The following EFNA2 variants were observed in gnomAD, a reference collection of about 807,000 sequenced individuals.
EFNA2 encodes ephrin A2.
In EFNA2, 18 loss-of-function variants were observed where a neutral mutation model predicts 19.7. The ratio of observed to expected loss-of-function variants is 0.91; its 90% CI spans 0.63 to 1.35. The LOEUF (loss-of-function observed/expected upper bound fraction) is 1.35. EFNA2 is among the 40% of genes most tolerant of loss of function. EFNA2 has a pLI of 0.00. For synonymous variants in EFNA2, 187 were observed against 137.8 expected, an observed-to-expected ratio of 1.36 and a Z score of -2.50; for missense variants, 303 against 296.0, an observed-to-expected ratio of 1.02 and a Z score of -0.17.
Position 1,286,595 on chromosome 19 carries a change from C to A in EFNA2, c.140+287C>A, listed in dbSNP as rs555848277. On this transcript the variant is annotated intron_variant, in intron 1 of 3. Coordinates refer to ENST00000215368, the MANE Select transcript of EFNA2 (RefSeq NM_001405.4). This position sits in a 1 kb window ranked among gnomAD's most constrained non-coding sequence, Gnocchi z 5.6. ...CCGACGTCTCCTGGAGTTTGGGGAACCCCTCTGGTACCCTCCGATGCCGGG... is the reference window on the plus strand; with the variant it reads ...CCGACGTCTCCTGGAGTTTGGGGAAACCCTCTGGTACCCTCCGATGCCGGG... 1.3e-5 allele frequency among the ~76,000 whole-genome samples: 2 copies of A among 152,274 alleles called. No homozygotes were observed. Among genetic ancestry groups the A allele is most frequent in the African/African-American group, 4.8e-5 (2 of 41,582 alleles).
upstream of EFNA2, among the ~76,000 whole-genome samples, chr19:1,284,862 A>G (rs2081456083): frequency 1.3e-5 from 2 of 152,264 alleles, no homozygotes; most frequent in African/African-American, 4.8e-5. This position sits in a 1 kb window ranked among gnomAD's most constrained non-coding sequence, Gnocchi z 5.3. Context: ...CGATCTGGGC[A>G]TCGCCAGCAA....
In EFNA2 at chr19:1,297,536, G is replaced by A. The variant is rs1282568547; in HGVS notation, c.455-1015G>A. Among the ~76,000 whole-genome samples, 2 of 152,102 alleles carry A rather than the reference G, an allele frequency of 1.3e-5. No homozygotes were observed. Among genetic ancestry groups the A allele is most frequent in the Non-Finnish European group, 2.9e-5 (2 of 68,004 alleles). ...GCAGAGGTGGTGGCCATGAGAGCCA[G>A]GCCATCAGGGGCCCAGGGCCCGGCA... On this transcript the variant is annotated intron_variant, in intron 2 of 3. Transcript: ENST00000215368. The surrounding 1 kb of genome is among the most constrained non-coding windows in gnomAD (Gnocchi z 5.0).
chr19:1,293,749 C>A (rs973984469), intron 1 of EFNA2, among the ~76,000 whole-genome samples: 8 of 152,240 alleles, frequency 5.3e-5, no homozygotes, highest in African/African-American at 1.9e-4. Context: ...GGTGACTTCA[C>A]CGCCTCCGCC....
chr19:1,299,778 G>A (rs765625086), intron 3 of EFNA2, 46 bp from the exon 4 acceptor site: 1 of 1,558,208 alleles, frequency 6.4e-7, no homozygotes, highest in Non-Finnish European at 8.6e-7. Flanking sequence ...GGGGAGCCCA[G>A]TGGGGTTCGG....
In EFNA2 at chr19:1,286,853, G is replaced by A. The variant is rs558039558; in HGVS notation, c.140+545G>A. Among the ~76,000 whole-genome samples the A allele has an allele frequency of 2.0e-5, 3 of 152,358 alleles. No individual in the cohort carries two copies. The highest frequency in any genetic ancestry group is 1.9e-4 in the East Asian group (1 of 5,188). The stretch of plus-strand genomic sequence containing the variant: ...CCCAGCATCTGCTTCACTCCAGGGG[G>A]CCAAGGGCCCAGCTTTGAAAGGAGA... On this transcript the variant is annotated intron_variant, in intron 1 of 3. Transcript: ENST00000215368. The surrounding 1 kb of genome is among the most constrained non-coding windows in gnomAD (Gnocchi z 5.6).
At chr19:1,291,198 C>G (rs910872201) in intron 1 of EFNA2, among the ~76,000 whole-genome samples, 4 of 152,182 alleles carry the variant, frequency 2.6e-5, no homozygotes, top group African/African-American at 9.6e-5. Context: ...CACTCTGTAC[C>G]AGGGCCACCC....
Position 1,287,967 on chromosome 19 carries a change from G to A in EFNA2, c.140+1659G>A, listed in dbSNP as rs1280976775. ...GGGCTGCGGGCCGGACCCCCGGCCAGGGGAAGGAAGTGGCCTCCCCAGTGC... is the reference window on the plus strand; with the variant it reads ...GGGCTGCGGGCCGGACCCCCGGCCAAGGGAAGGAAGTGGCCTCCCCAGTGC... On this transcript the variant is annotated intron_variant, in intron 1 of 3. Transcript: ENST00000215368. This position sits in a 1 kb window ranked among gnomAD's most constrained non-coding sequence, Gnocchi z 6.2. Among the ~76,000 whole-genome samples the A allele has an allele frequency of 6.6e-6, 1 of 152,264 alleles. No homozygotes were observed. The highest frequency in any genetic ancestry group is 2.4e-5 in the African/African-American group (1 of 41,480).
At chr19:1,291,184 G>A (rs537564651) in intron 1 of EFNA2, among the ~76,000 whole-genome samples, 1 of 152,320 alleles carries the variant, frequency 6.6e-6, no homozygotes, top group East Asian at 1.9e-4. Flanking sequence ...GCCGACGGCA[G>A]CTGCACTCTG....
chr19:1,300,146 C>A lies in EFNA2; in HGVS notation c.*201C>A. 2 of 587,924 alleles carry A rather than the reference C, an allele frequency of 3.4e-6. No individual in the cohort carries two copies. Among genetic ancestry groups the A allele is most frequent in the Non-Finnish European group, 5.1e-6 (2 of 392,344 alleles). 36.4% of individuals were successfully genotyped at this position (587,924 alleles called of 1,614,324 possible). A position where few individuals can be genotyped will look rare whatever the true frequency, so the allele number is the denominator to read the frequency against. Reference sequence around the variant, plus strand: ...CTCAGGGAGGGGAAACGGCCGAGAGCCCCCCCCCGGAGGCCCGAGGGGCCG... The same window carrying A: ...CTCAGGGAGGGGAAACGGCCGAGAGACCCCCCCCGGAGGCCCGAGGGGCCG... On this transcript the variant is annotated 3_prime_UTR_variant, in exon 4 of 4. Coordinates refer to ENST00000215368, the MANE Select transcript of EFNA2 (RefSeq NM_001405.4).
Position 1,301,396 on chromosome 19 carries a change from G to A in EFNA2, c.*1451G>A, listed in dbSNP as rs1476510789. 6.6e-6 allele frequency among the ~76,000 whole-genome samples: 1 copy of A among 151,726 alleles called. No homozygotes were observed. Among genetic ancestry groups the A allele is most frequent in the East Asian group, 1.9e-4 (1 of 5,174 alleles). Reference sequence around the variant, plus strand: ...CCCGTCACAATCAACTTTGGATTCTGTATTTTTTTATAATAAAATGAGCAT... The same window carrying A: ...CCCGTCACAATCAACTTTGGATTCTATATTTTTTTATAATAAAATGAGCAT... On this transcript the variant is annotated 3_prime_UTR_variant, in exon 4 of 4. Transcript: ENST00000215368.
rs758914167 is a variant in EFNA2 at position 1,297,996 on chromosome 19, C to T, written c.455-555C>T. On this transcript the variant is annotated intron_variant, in intron 2 of 3. Coordinates refer to ENST00000215368, the MANE Select transcript of EFNA2 (RefSeq NM_001405.4). The surrounding 1 kb of genome is among the most constrained non-coding windows in gnomAD (Gnocchi z 5.0). ...CTGAGGCAGGAGAATTGCTTGAACC[C>T]GGGAGGCTGAGATTGCAGTGAGCCG... 3.5e-5 allele frequency among the ~76,000 whole-genome samples: 5 copies of T among 144,788 alleles called. No individual in the cohort carries two copies. The South Asian group carries it at 6.5e-4, about 19-fold the overall frequency. The allele number at this position is 144,788 out of a possible 152,430, so 95.0% of individuals were successfully genotyped here.
rs1345232763 is a variant in EFNA2 at position 1,300,091 on chromosome 19, A to T, written c.*146A>T. On this transcript the variant is annotated 3_prime_UTR_variant, in exon 4 of 4. Coordinates refer to ENST00000215368, the MANE Select transcript of EFNA2 (RefSeq NM_001405.4). ...TCGCCTGGTGCCGCCCCCGCCGGGC[A>T]GGGGCCATCCACCCGCCCCAGGACC... 8.4e-7 allele frequency: 1 copy of T among 1,194,244 alleles called. No homozygotes were observed. The highest frequency in any genetic ancestry group is 1.6e-5 in the African/African-American group (1 of 62,992). The allele number at this position is 1,194,244 out of a possible 1,614,324, so 74.0% of individuals were successfully genotyped here.
chr19:1,286,635 C>T lies in EFNA2; in HGVS notation c.140+327C>T, dbSNP rs1338111100. Among the ~76,000 whole-genome samples the T allele has an allele frequency of 6.6e-6, 1 of 152,180 alleles. No homozygotes were observed. Among genetic ancestry groups the T allele is most frequent in the Admixed American group, 6.5e-5 (1 of 15,290 alleles). On this transcript the variant is annotated intron_variant, in intron 1 of 3. Coordinates refer to ENST00000215368, the MANE Select transcript of EFNA2 (RefSeq NM_001405.4). The surrounding 1 kb of genome is among the most constrained non-coding windows in gnomAD (Gnocchi z 5.6). ...CCGATGCCGGGTAGCCCCTGAGTTG[C>T]CTGCCTGGACTTGGGGGGACCCCTG...
At chr19:1,289,273 T>C (rs2081480661) in intron 1 of EFNA2, among the ~76,000 whole-genome samples, 1 of 152,272 alleles carries the variant, frequency 6.6e-6, no homozygotes. Context: ...ACGGGATGTC[T>C]GCAGTGTCCG....
chr19:1,286,461 C>T lies in EFNA2; in HGVS notation c.140+153C>T, dbSNP rs2081465539. Among the ~76,000 whole-genome samples, 2 of 151,218 alleles carry T rather than the reference C, an allele frequency of 1.3e-5. No individual in the cohort carries two copies. The highest frequency in any genetic ancestry group is 1.3e-4 in the Admixed American group (2 of 15,228). On this transcript the variant is annotated intron_variant, in intron 1 of 3. Transcript: ENST00000215368. The surrounding 1 kb of genome is among the most constrained non-coding windows in gnomAD (Gnocchi z 5.6). ...GTTCCCGCGGGAGCCCCCCAGGGAGCTCCGGCCCCCCGGAGTTTGGGGGAC... is the reference window on the plus strand; with the variant it reads ...GTTCCCGCGGGAGCCCCCCAGGGAGTTCCGGCCCCCCGGAGTTTGGGGGAC...
In EFNA2 at chr19:1,299,997, C is replaced by T; in HGVS notation, c.*52C>T. 1 of 1,548,838 alleles carries T rather than the reference C, an allele frequency of 6.5e-7. No individual in the cohort carries two copies. The highest frequency in any genetic ancestry group is 8.7e-7 in the Non-Finnish European group (1 of 1,153,680). On this transcript the variant is annotated 3_prime_UTR_variant, in exon 4 of 4. Transcript: ENST00000215368. ...GCCTGGACGGCCCCGCCTGGACCGC[C>T]TGACCTCGGCCCTCCGGACCCGGCT... is the stretch of plus-strand genomic sequence containing the variant.
chr19:1,298,282 G>T (rs2081525115), intron 2 of EFNA2, among the ~76,000 whole-genome samples: 1 of 152,128 alleles, frequency 6.6e-6, no homozygotes, highest in Middle Eastern at 3.4e-3. Context: ...GTGCTGCCCT[G>T]GGGTGAGGCA....
At chr19:1,285,088 T>C (rs1568857127), upstream of EFNA2, among the ~76,000 whole-genome samples, 1 of 151,902 alleles carries the variant, frequency 6.6e-6, no homozygotes, top group Non-Finnish European at 1.5e-5. This position sits in a 1 kb window ranked among gnomAD's most constrained non-coding sequence, Gnocchi z 4.1. Flanking sequence ...TCTCTATAGA[T>C]TGGAAAAAAG....
chr19:1,295,507 G>C lies in EFNA2; in HGVS notation c.141-38G>C. 6.7e-7 allele frequency: 1 copy of C among 1,500,000 alleles called. No homozygotes were observed. Among genetic ancestry groups the C allele is most frequent in the South Asian group, 1.3e-5 (1 of 79,144 alleles). 92.9% of individuals were successfully genotyped at this position (1,500,000 alleles called of 1,614,324 possible). A position where few individuals can be genotyped will look rare whatever the true frequency, so the allele number is the denominator to read the frequency against. Reference sequence around the variant, plus strand: ...CACCCCGACCCGTGCCCCGTTCCTCGCTCCGGGCGCTGACCTCTGGCCGCC... The same window carrying C: ...CACCCCGACCCGTGCCCCGTTCCTCCCTCCGGGCGCTGACCTCTGGCCGCC... On this transcript the variant is annotated intron_variant, in intron 1 of 3. Coordinates refer to ENST00000215368, the MANE Select transcript of EFNA2 (RefSeq NM_001405.4). The surrounding 1 kb of genome is among the most constrained non-coding windows in gnomAD (Gnocchi z 5.8).
Sources: gnomAD v4.1 joint callset for allele counts (sites outside exome capture counted in the v4.1 genomes callset) on GRCh38, gnomAD v4.1.1 for gene constraint, Gnocchi (gnomAD v3.1) non-coding constraint, MANE v1.5 for transcripts, NCBI Gene and HGNC (gene_info 2026-07-23, HGNC 2026-07-21) for gene names.